ADAMTS15: variants seen among roughly 807,000 people sequenced by gnomAD.
ADAMTS15 encodes the protein A disintegrin and metalloproteinase with thrombospondin motifs 15.
In ADAMTS15, 35 loss-of-function variants were observed where a neutral mutation model predicts 79.1. The observed-to-expected ratio is 0.44, with a 90% confidence interval of 0.34 to 0.59. The LOEUF (loss-of-function observed/expected upper bound fraction) is 0.59. ADAMTS15 is among the 20% of genes least tolerant of loss of function. The pLI, the probability that ADAMTS15 is intolerant of heterozygous loss-of-function variation, is 0.02. For synonymous variants in ADAMTS15, 616 were observed against 567.3 expected (o/e 1.09, Z -1.22); for missense variants, 1,324 against 1,318.7 (o/e 1.00, Z -0.06).
rs1938572661 is a variant in ADAMTS15, at chr11:130,475,807, GACAGC to G, written c.*1989_*1993del. On this transcript the variant is annotated 3_prime_UTR_variant, in exon 8 of 8. Coordinates refer to ENST00000299164, the MANE Select transcript of ADAMTS15 (RefSeq NM_139055.4). ...CAGAAGCAGATCCTTGATAGCTGAC[GACAGC>G]ACTGCGCCCTGTGCTTGGTGCACTC... 1 of 146,312 alleles carries G rather than the reference GACAGC, an allele frequency of 6.8e-6. No homozygotes were observed. Among genetic ancestry groups the G allele is most frequent in the Non-Finnish European group, 1.5e-5 (1 of 66,692 alleles). 9.1% of individuals were successfully genotyped at this position (146,312 alleles called of 1,614,324 possible).
rs1232210822 is a variant in ADAMTS15 at position 130,470,176 on chromosome 11, ATATATGTGTG to A, written c.1721-738_1721-729del. On this transcript the variant is annotated intron_variant, in intron 5 of 7. Coordinates refer to ENST00000299164, the MANE Select transcript of ADAMTS15 (RefSeq NM_139055.4). The stretch of plus-strand genomic sequence containing the variant: ...TGTGTATATATATATATATATATAT[ATATATGTGTG>A]TATATATATATATATATATATATGT... Among the ~76,000 whole-genome samples, 307 of 56,874 alleles carry A rather than the reference ATATATGTGTG, an allele frequency of 5.4e-3. 17 individuals are homozygous for A. Among genetic ancestry groups the A allele is most frequent in the African/African-American group, 0.027 (264 of 9,716 alleles). 37.3% of individuals were successfully genotyped at this position (56,874 alleles called of 152,430 possible).
Position 130,449,158 on chromosome 11 carries a change from A to T in ADAMTS15, c.185A>T (p.Glu62Val), listed in dbSNP as rs748399091. The change falls in exon 1 of 8, where the codon GAG (glutamate) becomes GTG (valine). Residue 62 changes from glutamate to valine, a missense_variant. Coordinates refer to ENST00000299164, the MANE Select transcript of ADAMTS15 (RefSeq NM_139055.4). The surrounding 1 kb of genome is among the most constrained non-coding windows in gnomAD (Gnocchi z 7.8). ...GLIFQITAFQ[E>V]DFYLHLTPDA... The stretch of plus-strand genomic sequence containing the variant: ...ATTTTTCAGATCACAGCATTTCAGG[A>T]GGACTTTTACCTACACCTGACGCCG... 7 of 1,606,332 alleles carry T rather than the reference A, an allele frequency of 4.4e-6. No homozygotes were observed. Among genetic ancestry groups the T allele is most frequent in the African/African-American group, 1.3e-5 (1 of 74,616 alleles).
chr11:130,461,397 AATGTCCTATAGG>A, intron 1 of ADAMTS15, 80 bp from the exon 2 acceptor site: 2 of 1,564,874 alleles, frequency 1.3e-6, no homozygotes, highest in Non-Finnish European at 1.7e-6. Context: ...GATGAGCTGG[AATGTCCTATAGG>A]ATGTCCTTTC....
At chr11:130,470,200 A>ATG (rs1170835228) in intron 5 of ADAMTS15, among the ~76,000 whole-genome samples, 2 of 56,522 alleles carry the variant, frequency 3.5e-5, no homozygotes, top group Non-Finnish European at 3.7e-5. Context: ...ATATATATAT[A>ATG]TATATATATG....
Position 130,449,963 on chromosome 11 carries a change from T to G in ADAMTS15, c.957+33T>G, listed in dbSNP as rs766988715. The G allele has an allele frequency of 2.5e-6, 4 of 1,588,450 alleles. No homozygotes were observed. Among genetic ancestry groups the G allele is most frequent in the Non-Finnish European group, 2.6e-6 (3 of 1,172,150 alleles). The stretch of plus-strand genomic sequence containing the variant: ...GATCTGCCGTCACTTTGCACCCAGA[T>G]AGTCCCGTTCTTTAGGGTCACCTCC... On this transcript the variant is annotated intron_variant, in intron 1 of 7. Transcript: ENST00000299164. The surrounding 1 kb of genome is among the most constrained non-coding windows in gnomAD (Gnocchi z 7.8).
intron 1 of ADAMTS15, among the ~76,000 whole-genome samples, chr11:130,455,887 C>T (rs930471134): frequency 2.0e-5 from 3 of 152,170 alleles, no homozygotes; most frequent in Non-Finnish European, 4.4e-5. Context: ...TCTCCCTCTC[C>T]CCAGGCCTCT....
At chr11:130,468,543 A>T (rs1260239426) in intron 4 of ADAMTS15, among the ~76,000 whole-genome samples, 6 of 152,024 alleles carry the variant, frequency 3.9e-5, no homozygotes, top group Non-Finnish European at 8.8e-5. Flanking sequence ...AGGCGGGCGG[A>T]TCACGAGGTC....
Position 130,473,653 on chromosome 11 carries a change from C to G in ADAMTS15, c.2685C>G (p.Pro895=), listed in dbSNP as rs145831913. The G allele has an allele frequency of 3.1e-5, 50 of 1,606,842 alleles. No individual in the cohort carries two copies. Among genetic ancestry groups the G allele is most frequent in the Middle Eastern group, 1.6e-4 (1 of 6,084 alleles). ...CACAAGCCTGCGGGGAGCCCTGCCC[C>G]ACCTGGGAGCTCAGCGCCTGGTCAC... ...VETQACGEPC[P]TWELSAWSPC... is the part of the protein sequence containing the mutation. The change falls in exon 8 of 8, where the codon CCC becomes CCG. Residue 895 remains proline, a synonymous_variant. Coordinates refer to ENST00000299164, the MANE Select transcript of ADAMTS15 (RefSeq NM_139055.4).
chr11:130,473,545 G>A lies in ADAMTS15; in HGVS notation c.2577G>A (p.Leu859=), dbSNP rs1185864002. The part of the protein sequence containing the change: ...GPCSASCGSG[L]QKRAVDCRGS... ...GCTCCGCGAGCTGCGGCAGTGGCCT[G>A]CAGAAGCGGGCGGTGGACTGCCGGG... The change falls in exon 8 of 8, where the codon CTG becomes CTA. Residue 859 remains leucine, a synonymous_variant. Coordinates refer to ENST00000299164, the MANE Select transcript of ADAMTS15 (RefSeq NM_139055.4). 6.2e-7 allele frequency: 1 copy of A among 1,604,250 alleles called. No individual in the cohort carries two copies. The highest frequency in any genetic ancestry group is 1.7e-4 in the Middle Eastern group (1 of 6,024).
At chr11:130,466,187 C>A (rs975517518) in intron 4 of ADAMTS15, among the ~76,000 whole-genome samples, 1 of 152,222 alleles carries the variant, frequency 6.6e-6, no homozygotes, top group Non-Finnish European at 1.5e-5. Context: ...CTCTCATTTT[C>A]TGAAGTTTGG....
At chr11:130,469,967 C>A (rs1361479618) in intron 5 of ADAMTS15, among the ~76,000 whole-genome samples, 1 of 151,048 alleles carries the variant, frequency 6.6e-6, no homozygotes, top group Non-Finnish European at 1.5e-5. Context: ...GACAACAAAA[C>A]TACAATAGTA....
In ADAMTS15 at chr11:130,473,638, C is replaced by A. The variant is rs149819360; in HGVS notation, c.2670C>A (p.Cys890Ter). The A allele has an allele frequency of 2.5e-6, 4 of 1,608,310 alleles. No individual in the cohort carries two copies. The highest frequency in any genetic ancestry group is 3.4e-6 in the Non-Finnish European group (4 of 1,179,850). The change falls in exon 8 of 8, where the codon TGC becomes TGA. Residue 890 changes from cysteine (C) to a stop codon, truncating the protein, a stop_gained. Transcript: ENST00000299164. LOFTEE classifies it high-confidence loss of function. ...AAHRPVETQA[C>*]GEPCPTWELS... ...ATCGGCCCGTGGAGACACAAGCCTG[C>A]GGGGAGCCCTGCCCCACCTGGGAGC... is the stretch of plus-strand genomic sequence containing the variant.
At chr11:130,463,289 T>A (rs1938239512) in intron 4 of ADAMTS15, among the ~76,000 whole-genome samples, 1 of 152,252 alleles carries the variant, frequency 6.6e-6, no homozygotes, top group Non-Finnish European at 1.5e-5. Context: ...GAATCAAGCT[T>A]CCATTTCTGT....
At chr11:130,452,151 T>C (rs1937975512) in intron 1 of ADAMTS15, among the ~76,000 whole-genome samples, 1 of 151,976 alleles carries the variant, frequency 6.6e-6, no homozygotes, top group African/African-American at 2.4e-5. Context: ...GTACAGTATT[T>C]GATGAGAACA....
At chr11:130,458,736 C>T (rs1033186912) in intron 1 of ADAMTS15, among the ~76,000 whole-genome samples, 2 of 152,170 alleles carry the variant, frequency 1.3e-5, no homozygotes, top group East Asian at 1.9e-4. Context: ...CTTATTTCTG[C>T]GCCCTCTCCC....
At chr11:130,459,025 GTTTTTTTTTTT>G (rs757221690) in intron 1 of ADAMTS15, among the ~76,000 whole-genome samples, 52 of 75,406 alleles carry the variant, frequency 6.9e-4, no homozygotes, top group African/African-American at 3.1e-3. Context: ...CCTCCCAAGT[GTTTTTTTTTTT>G]TTTTTTTTTT....
intron 7 of ADAMTS15, among the ~76,000 whole-genome samples, 198 bp downstream of exon 7, chr11:130,471,581 T>C (rs1306758896): frequency 6.6e-6 from 1 of 152,088 alleles, no homozygotes; most frequent in African/African-American, 2.4e-5. Context: ...ATTCATTCAT[T>C]CTTTCAGCAA....
chr11:130,471,179 C>T, intron 6 of ADAMTS15, 29 bp from the exon 7 acceptor site: 1 of 1,586,124 alleles, frequency 6.3e-7, no homozygotes, highest in Non-Finnish European at 8.6e-7. Flanking sequence ...CCTGCTCTTC[C>T]TTCTTTTTCC....
chr11:130,450,213 G>A (rs1276707610), intron 1 of ADAMTS15: 1 of 985,356 alleles, frequency 1.0e-6, no homozygotes, highest in African/African-American at 1.7e-5. Flanking sequence ...CCGAGGGGCC[G>A]GAACCCAGGA....
Sources: gnomAD v4.1 joint callset for allele counts (sites outside exome capture counted in the v4.1 genomes callset) on GRCh38, gnomAD v4.1.1 for gene constraint, Gnocchi (gnomAD v3.1) non-coding constraint, MANE v1.5 for transcripts, NCBI Gene and HGNC (gene_info 2026-07-23, HGNC 2026-07-21) for gene names.